Variants in TBC1D19 observed in about 807,000 individuals in gnomAD.
TBC1D19 encodes TBC1 domain family, member 19.
A neutral mutation model predicts 89.0 loss-of-function variants in TBC1D19; 60 were observed. The observed-to-expected ratio is 0.67, with a 90% CI of 0.55 to 0.84. The LOEUF (loss-of-function observed/expected upper bound fraction) is 0.84. Among genes scored for constraint, TBC1D19 ranks in the 40% least tolerant of loss-of-function variants. The pLI is 0.00. For missense variants in TBC1D19, 500 were observed against 610.8 expected, an observed-to-expected ratio of 0.82 and a Z score of 1.91; for synonymous variants, 189 against 199.7, an observed-to-expected ratio of 0.95 and a Z score of 0.45.
At chr4:26,576,830 G>T in intron 1 of TBC1D19, 1 of 456,222 alleles carries the variant, frequency 2.2e-6, no homozygotes, top group Non-Finnish European at 4.4e-6. Flanking sequence ...GTATGACCAG[G>T]TAAAGGGCTA....
the TBC1D19 span, among the ~76,000 whole-genome samples, chr4:26,849,411 G>T: frequency 1.3e-5 from 2 of 151,954 alleles, no homozygotes; most frequent in African/African-American, 4.8e-5. Context: ...TCTTTTTCTG[G>T]TTAGCCTTTA....
the TBC1D19 span, among the ~76,000 whole-genome samples, chr4:26,809,220 G>A: frequency 2.0e-5 from 3 of 152,256 alleles, no homozygotes; most frequent in Admixed American, 2.0e-4. Context: ...GCCCCTCCAG[G>A]TGAGCTCTCC....
At chr4:26,784,006 A>G in the TBC1D19 span, among the ~76,000 whole-genome samples, 2 of 152,196 alleles carry the variant, frequency 1.3e-5, no homozygotes, top group African/African-American at 2.4e-5. Flanking sequence ...GTTGGTCACC[A>G]GGGAACCAGG....
At chr4:26,744,892 A>C (rs1478914767) in intron 18 of TBC1D19, among the ~76,000 whole-genome samples, 1 of 152,166 alleles carries the variant, frequency 6.6e-6, no homozygotes, top group South Asian at 2.1e-4. Context: ...GTTAATAATG[A>C]TGTTCAAACC....
chr4:26,584,191 GA>G lies in TBC1D19; in HGVS notation c.1del, dbSNP rs1198641219. On this transcript the variant is annotated 5_prime_UTR_variant, in exon 1 of 21. Coordinates refer to ENST00000264866, the MANE Select transcript of TBC1D19 (RefSeq NM_018317.4). ...CGCGGCTTGGCGGGCTAGGGCAGGG[GA>G]AATGTTGCAGGAGGAGTCGGACCTC... 5 of 1,608,858 alleles carry G rather than the reference GA, an allele frequency of 3.1e-6. No homozygotes were observed. The highest frequency in any genetic ancestry group is 3.4e-6 in the Non-Finnish European group (4 of 1,178,368).
At chr4:26,720,592 A>G (rs759389145) in intron 15 of TBC1D19, among the ~76,000 whole-genome samples, 9 of 152,184 alleles carry the variant, frequency 5.9e-5, no homozygotes, top group Non-Finnish European at 8.8e-5. Flanking sequence ...GTGATCAAAT[A>G]TATAATGACC....
intron 1 of TBC1D19, among the ~76,000 whole-genome samples, chr4:26,577,561 G>C (rs1052458837): frequency 2.0e-5 from 3 of 152,200 alleles, no homozygotes; most frequent in Admixed American, 1.3e-4. Context: ...TTAGGTACTA[G>C]ACAGGTTGGG....
downstream of TBC1D19, among the ~76,000 whole-genome samples, chr4:26,759,811 C>T (rs1385276192): frequency 6.6e-6 from 1 of 152,142 alleles, no homozygotes; most frequent in Non-Finnish European, 1.5e-5. Flanking sequence ...TTACTACTGC[C>T]TAGGATTTCA....
At chr4:26,703,663 TG>T (rs1372093061) in intron 13 of TBC1D19, among the ~76,000 whole-genome samples, 1 of 152,106 alleles carries the variant, frequency 6.6e-6, no homozygotes, top group Non-Finnish European at 1.5e-5. Context: ...AAAGAAAATC[TG>T]GGCCTATGTC....
intron 11 of TBC1D19, among the ~76,000 whole-genome samples, chr4:26,681,365 C>G (rs1433849295): frequency 1.3e-5 from 2 of 151,736 alleles, no homozygotes; most frequent in African/African-American, 4.8e-5. Flanking sequence ...CGGTGAAACC[C>G]TGTCTCTAAT....
At chr4:26,636,957 A>G (rs991687174) in intron 4 of TBC1D19, among the ~76,000 whole-genome samples, 7 of 152,140 alleles carry the variant, frequency 4.6e-5, no homozygotes, top group Admixed American at 4.6e-4. Flanking sequence ...ATCTGTCCTC[A>G]TTCCCATCCT....
the TBC1D19 span, among the ~76,000 whole-genome samples, chr4:26,762,335 T>A: frequency 1.3e-5 from 2 of 152,194 alleles, no homozygotes; most frequent in African/African-American, 4.8e-5. Flanking sequence ...AGAAAATGGT[T>A]TTTAATTACT....
intron 13 of TBC1D19, among the ~76,000 whole-genome samples, chr4:26,693,053 G>T (rs964532891): frequency 3.3e-5 from 5 of 151,842 alleles, no homozygotes; most frequent in Non-Finnish European, 7.4e-5. Context: ...TTGAACCCAG[G>T]AGGTAGAGGT....
At chr4:26,834,550 G>A in the TBC1D19 span, among the ~76,000 whole-genome samples, 4 of 152,074 alleles carry the variant, frequency 2.6e-5, no homozygotes, top group Non-Finnish European at 5.9e-5. Context: ...GCTATGGGGG[G>A]CGGGGGTGGT....
chr4:26,614,919 GC>G, intron 3 of TBC1D19, among the ~76,000 whole-genome samples: 1 of 151,976 alleles, frequency 6.6e-6, no homozygotes, highest in African/African-American at 2.4e-5. Flanking sequence ...CTCAAGTGAT[GC>G]ACCTGCATTG....
At chr4:26,666,746 G>A (rs1462646818) in intron 9 of TBC1D19, among the ~76,000 whole-genome samples, 2 of 151,996 alleles carry the variant, frequency 1.3e-5, no homozygotes, top group African/African-American at 4.8e-5. Flanking sequence ...AGTGAACACT[G>A]ACGTCTACCT....
Position 26,620,688 on chromosome 4 carries a change from G to T in TBC1D19, c.294G>T (p.Gln98His). ...KEPLVYMRKAQGSWEKRILKS... is the reference protein window; with the variant it reads ...KEPLVYMRKAHGSWEKRILKS... Reference sequence around the variant, plus strand: ...CTTTGGTATACATGAGGAAAGCACAGGTTGGCTATTGTTCAATTTCATTTT... The same window carrying T: ...CTTTGGTATACATGAGGAAAGCACATGTTGGCTATTGTTCAATTTCATTTT... Residue 98 changes from glutamine to histidine, a missense_variant and splice_region_variant, in exon 4 of 21, where the codon CAG becomes CAT. Gln to His is a conservative substitution (Grantham distance 24, BLOSUM62 0). Transcript: ENST00000264866. 1 of 1,612,828 alleles carries T rather than the reference G, an allele frequency of 6.2e-7. No individual in the cohort carries two copies. Among genetic ancestry groups the T allele is most frequent in the Non-Finnish European group, 8.5e-7 (1 of 1,179,502 alleles).
chr4:26,633,896 C>T (rs555277794), intron 4 of TBC1D19, among the ~76,000 whole-genome samples: 42 of 152,216 alleles, frequency 2.8e-4, no homozygotes, highest in Non-Finnish European at 5.0e-4. Context: ...GTCAAACCAT[C>T]CTTGGCTGGG....
intron 1 of TBC1D19, among the ~76,000 whole-genome samples, chr4:26,611,496 C>A (rs554497925): frequency 6.6e-6 from 1 of 152,182 alleles, no homozygotes; most frequent in East Asian, 1.9e-4. Flanking sequence ...GACCCAGAAG[C>A]TTCATCAGAC....
Sources: allele counts gnomAD v4.1 joint callset (sites outside exome capture counted in the v4.1 genomes callset), GRCh38; gene constraint gnomAD v4.1.1; transcripts MANE v1.5; gene names NCBI Gene and HGNC (gene_info 2026-07-23, HGNC 2026-07-21).